CHL1: variants seen among roughly 807,000 people sequenced by gnomAD.
CHL1 encodes the protein cell adhesion molecule L1 like.
Under a neutral mutation model 141.9 loss-of-function variants are expected in CHL1, and 96 were observed. That is an observed-to-expected ratio of 0.68 (90% CI 0.57 to 0.80). The LOEUF is 0.80. Among genes scored for constraint, CHL1 ranks in the 30% least tolerant of loss-of-function variants. The pLI is 0.00. For missense variants in CHL1, 1,820 were observed against 1,457.2 expected (o/e 1.25, Z -4.05); for synonymous variants, 613 against 502.2 (o/e 1.22, Z -2.95).
At chr3:364,055 T>A (rs1454408323) in intron 14 of CHL1, 1 of 152,216 alleles carries the variant, frequency 6.6e-6, no homozygotes, top group African/African-American at 2.4e-5. Context: ...TGTTTGATCA[T>A]CTGTTTTCAC....
chr3:243,979 G>A (rs1692914347), intron 1 of CHL1, among the ~76,000 whole-genome samples: 2 of 152,188 alleles, frequency 1.3e-5, no homozygotes, highest in Admixed American at 6.5e-5. Flanking sequence ...TTCTGAGATT[G>A]GGAGCCAATC....
chr3:278,690 A>G (rs779535077), intron 2 of CHL1, among the ~76,000 whole-genome samples: 2 of 152,234 alleles, frequency 1.3e-5, no homozygotes, highest in African/African-American at 4.8e-5. Context: ...TTCAAGAAGT[A>G]TAATGGTAGA....
chr3:354,446 CA>C (rs1703526454), intron 10 of CHL1, among the ~76,000 whole-genome samples, 193 bp from the exon 11 acceptor site: 1 of 151,986 alleles, frequency 6.6e-6, no homozygotes, highest in Non-Finnish European at 1.5e-5. Flanking sequence ...CACACACACA[CA>C]CACACACACA....
chr3:242,416 G>GA (rs1325092013), intron 1 of CHL1, among the ~76,000 whole-genome samples: 2 of 138,834 alleles, frequency 1.4e-5, no homozygotes, highest in East Asian at 2.2e-4. Flanking sequence ...CTAACACGGT[G>GA]AAACCCCGTC....
At chr3:241,356 G>A (rs7640724) in intron 1 of CHL1, among the ~76,000 whole-genome samples, 77,261 of 152,066 alleles carry the variant, frequency 0.51, 21,291 homozygotes, top group Non-Finnish European at 0.62. Flanking sequence ...TAGGTTTGAT[G>A]TAGAGGGTAT....
intron 3 of CHL1, among the ~76,000 whole-genome samples, chr3:322,557 C>T (rs1035029634): frequency 2.7e-5 from 4 of 149,000 alleles, no homozygotes; most frequent in Admixed American, 6.7e-5. Context: ...CCTGTAATTG[C>T]GGCACTTTGG....
At chr3:296,854 A>G (rs2124862630) in intron 2 of CHL1, among the ~76,000 whole-genome samples, 1 of 152,350 alleles carries the variant, frequency 6.6e-6, no homozygotes, top group East Asian at 1.9e-4. Context: ...TTGTTGGAAT[A>G]TATGTGCATG....
chr3:240,133 T>A (rs12495472), intron 1 of CHL1, among the ~76,000 whole-genome samples: 77,031 of 152,084 alleles, frequency 0.51, 21,153 homozygotes, highest in Non-Finnish European at 0.61. Context: ...CTGAATCAAA[T>A]GGTAGAGCTA....
intron 16 of CHL1, 47 bp from the exon 17 acceptor site, chr3:382,132 G>C (rs1707120155): frequency 1.3e-6 from 2 of 1,528,512 alleles, no homozygotes; most frequent in South Asian, 1.1e-5. Context: ...AAGGGAATCA[G>C]GTAAACAAAG....
At chr3:298,055 C>T (rs775328291) in intron 2 of CHL1, among the ~76,000 whole-genome samples, 1 of 152,148 alleles carries the variant, frequency 6.6e-6, no homozygotes, top group Non-Finnish European at 1.5e-5. Context: ...GTTTCTTCTA[C>T]CTGAGTGTAT....
intron 1 of CHL1, among the ~76,000 whole-genome samples, chr3:223,972 C>A (rs1341172329): frequency 6.6e-6 from 1 of 152,112 alleles, no homozygotes; most frequent in East Asian, 1.9e-4. Flanking sequence ...ATGCAAGAGT[C>A]TGAAAAATAC....
intron 23 of CHL1, 143 bp from the exon 24 acceptor site, chr3:394,550 C>A (rs73814748): frequency 0.011 from 7,135 of 630,974 alleles, 171 homozygotes; most frequent in African/African-American, 0.067. Flanking sequence ...GTTGTATGTA[C>A]CTCATAGGAT....
intron 5 of CHL1, among the ~76,000 whole-genome samples, chr3:330,718 T>C (rs1701370498): frequency 6.6e-6 from 1 of 152,158 alleles, no homozygotes; most frequent in South Asian, 2.1e-4. Flanking sequence ...TTGTGAAATG[T>C]GACCAGCTGG....
Position 408,767 on chromosome 3 carries a change from C to A in CHL1, c.*3056C>A, listed in dbSNP as rs1709685081. On this transcript the variant is annotated 3_prime_UTR_variant, in exon 28 of 28. Coordinates refer to ENST00000256509, the MANE Select transcript of CHL1 (RefSeq NM_006614.4). ...AAAATTAAGCAGGGTCTTTGCTATA[C>A]AAAAGTGTTTTCCACTAATTTTGCA... 3 of 151,964 alleles carry A rather than the reference C, an allele frequency of 2.0e-5. No individual in the cohort carries two copies. The highest frequency in any genetic ancestry group is 2.0e-4 in the Admixed American group (3 of 15,224). The allele number at this position is 151,964 out of a possible 1,614,324, so 9.4% of individuals were successfully genotyped here.
At chr3:296,168 C>T (rs569436753) in intron 2 of CHL1, among the ~76,000 whole-genome samples, 4 of 152,162 alleles carry the variant, frequency 2.6e-5, no homozygotes, top group Admixed American at 6.5e-5. Context: ...TTTAATATCC[C>T]GTACGCACTT....
chr3:333,686 A>G (rs1048750444), intron 5 of CHL1, among the ~76,000 whole-genome samples: 1 of 152,234 alleles, frequency 6.6e-6, no homozygotes, highest in African/African-American at 2.4e-5. Context: ...GGGATTTAAC[A>G]GTGAATAAAA....
At chr3:265,283 A>G (rs1420883283) in intron 2 of CHL1, among the ~76,000 whole-genome samples, 1 of 152,232 alleles carries the variant, frequency 6.6e-6, no homozygotes, top group Non-Finnish European at 1.5e-5. Flanking sequence ...AAATGGAAAT[A>G]CTTGCCTGAT....
At chr3:333,309 C>G (rs1701611123) in intron 5 of CHL1, among the ~76,000 whole-genome samples, 1 of 151,710 alleles carries the variant, frequency 6.6e-6, no homozygotes, top group Non-Finnish European at 1.5e-5. Flanking sequence ...CAATTTAAAG[C>G]TTCCTACAAT....
intron 2 of CHL1, chr3:246,495 C>T (rs556680617): frequency 6.6e-6 from 1 of 152,048 alleles, no homozygotes; most frequent in East Asian, 1.9e-4. Flanking sequence ...TTTGTGGAAT[C>T]GTAGTCATAA....
Sources: gnomAD v4.1 joint callset for allele counts (sites outside exome capture counted in the v4.1 genomes callset) on GRCh38, gnomAD v4.1.1 for gene constraint, MANE v1.5 for transcripts, NCBI Gene and HGNC (gene_info 2026-07-23, HGNC 2026-07-21) for gene names.